The following SLC35F1 variants were observed in gnomAD, a reference collection of about 807,000 sequenced individuals.
SLC35F1 encodes solute carrier family 35 member F1.
A neutral mutation model predicts 48.7 loss-of-function variants in SLC35F1; 14 were observed. That is an observed-to-expected ratio of 0.29 (90% confidence interval 0.19 to 0.45). The LOEUF (loss-of-function observed/expected upper bound fraction) is 0.45. SLC35F1 is among the 20% of genes least tolerant of loss of function. The pLI is 1.00. For missense variants in SLC35F1, 404 were observed against 500.0 expected (o/e 0.81, Z 1.83); for synonymous variants, 190 against 202.2 (o/e 0.94, Z 0.51).
intron 1 of SLC35F1, among the ~76,000 whole-genome samples, chr6:118,003,747 A>ATT (rs200097708): frequency 1.7e-4 from 26 of 151,900 alleles, no homozygotes; most frequent in African/African-American, 5.8e-4. Context: ...ATGATTTTAC[A>ATT]TTTTTTTTTA....
chr6:118,070,674 T>C (rs1562280601), intron 1 of SLC35F1, among the ~76,000 whole-genome samples: 1 of 151,690 alleles, frequency 6.6e-6, no homozygotes, highest in East Asian at 1.9e-4. Flanking sequence ...CTAAATAATA[T>C]GTCTTTCTTG....
chr6:118,038,317 T>C (rs1772163805), intron 1 of SLC35F1, among the ~76,000 whole-genome samples: 1 of 152,104 alleles, frequency 6.6e-6, no homozygotes, highest in Non-Finnish European at 1.5e-5. Flanking sequence ...TTTTTTCTCA[T>C]ATTATTTCTC....
At chr6:118,031,266 T>A (rs1361558329) in intron 1 of SLC35F1, among the ~76,000 whole-genome samples, 1 of 152,182 alleles carries the variant, frequency 6.6e-6, no homozygotes, top group East Asian at 1.9e-4. Flanking sequence ...TTTAAGTAAA[T>A]GTATGTCTTA....
chr6:118,053,782 A>G (rs12173811), intron 1 of SLC35F1, among the ~76,000 whole-genome samples: 44,785 of 152,064 alleles, frequency 0.29, 7,312 homozygotes, highest in East Asian at 0.48. Context: ...TATGTAATAA[A>G]CATCTTAATG....
At chr6:118,106,358 C>G (rs1181762768) in intron 1 of SLC35F1, among the ~76,000 whole-genome samples, 2 of 152,186 alleles carry the variant, frequency 1.3e-5, no homozygotes, top group Admixed American at 6.6e-5. Context: ...CCATGTCCAT[C>G]CAACAGTGCT....
intron 7 of SLC35F1, among the ~76,000 whole-genome samples, chr6:118,306,046 A>G (rs776729314): frequency 1.3e-5 from 2 of 152,216 alleles, no homozygotes; most frequent in Non-Finnish European, 2.9e-5. Flanking sequence ...TATGCCAGAC[A>G]GGCTCTTCCT....
chr6:118,102,857 C>T (rs1003914606), intron 1 of SLC35F1, among the ~76,000 whole-genome samples: 1 of 152,184 alleles, frequency 6.6e-6, no homozygotes, highest in Non-Finnish European at 1.5e-5. Context: ...TTTCAGACAG[C>T]CTGCTATGAT....
At chr6:118,275,640 A>G (rs777860058) in intron 5 of SLC35F1, 25 bp downstream of exon 5, 16 of 1,608,462 alleles carry the variant, frequency 9.9e-6, no homozygotes, top group Middle Eastern at 3.3e-4. Flanking sequence ...CAAGAAATAT[A>G]GATAGTAGAG....
chr6:118,286,097 C>T (rs1047857962), intron 7 of SLC35F1, among the ~76,000 whole-genome samples: 1 of 152,158 alleles, frequency 6.6e-6, no homozygotes, highest in East Asian at 1.9e-4. Context: ...CTTGCCATTC[C>T]TTAACAAGTC....
At chr6:118,215,964 C>T (rs550267223) in intron 2 of SLC35F1, among the ~76,000 whole-genome samples, 1 of 152,064 alleles carries the variant, frequency 6.6e-6, no homozygotes, top group African/African-American at 2.4e-5. Context: ...TTAAAGTGTA[C>T]TTTGTATCAT....
Position 118,012,327 on chromosome 6 carries a change from A to G in SLC35F1, c.173+104428A>G, listed in dbSNP as rs560434972. Among the ~76,000 whole-genome samples the G allele has an allele frequency of 5.6e-3, 346 of 61,714 alleles. 1 individual carries two copies. Among genetic ancestry groups the G allele is most frequent in the African/African-American group, 0.025 (323 of 12,922 alleles). The allele number at this position is 61,714 out of a possible 152,430, so 40.5% of individuals were successfully genotyped here. A position where few individuals can be genotyped will look rare whatever the true frequency, so the allele number is the denominator to read the frequency against. ...CAGCATGCAGGGACAATAAATGGGG[A>G]AAAAAAAAAAAAAGAAAAACTAAAT... On this transcript the variant is annotated intron_variant, in intron 1 of 7. Coordinates refer to ENST00000360388, the MANE Select transcript of SLC35F1 (RefSeq NM_001029858.4).
chr6:118,044,722 T>C (rs749711015), intron 1 of SLC35F1, among the ~76,000 whole-genome samples: 3 of 151,990 alleles, frequency 2.0e-5, no homozygotes, highest in Non-Finnish European at 2.9e-5. Flanking sequence ...ACATAGTCTA[T>C]AGCTGCACCT....
intron 1 of SLC35F1, among the ~76,000 whole-genome samples, chr6:118,035,111 G>T (rs926186779): frequency 6.6e-6 from 1 of 152,078 alleles, no homozygotes; most frequent in Non-Finnish European, 1.5e-5. Flanking sequence ...ATTTTGCTGA[G>T]TTTTATTTTT....
chr6:117,972,904 A>G (rs929406760), intron 1 of SLC35F1, among the ~76,000 whole-genome samples: 1 of 152,202 alleles, frequency 6.6e-6, no homozygotes, highest in African/African-American at 2.4e-5. Context: ...AGATGCTACA[A>G]TTTAATAAGT....
intron 2 of SLC35F1, among the ~76,000 whole-genome samples, chr6:118,234,748 T>C (rs1056053155): frequency 3.9e-5 from 6 of 152,196 alleles, no homozygotes; most frequent in Admixed American, 1.3e-4. Flanking sequence ...ACCCCACAGG[T>C]TGGCTACAGA....
intron 1 of SLC35F1, among the ~76,000 whole-genome samples, chr6:118,069,517 G>T (rs1009557236): frequency 2.0e-5 from 3 of 152,036 alleles, no homozygotes; most frequent in Admixed American, 6.6e-5. Flanking sequence ...TTCTACTAAA[G>T]TTCCCTAGGC....
At chr6:118,268,379 A>G (rs1322111965) in intron 4 of SLC35F1, among the ~76,000 whole-genome samples, 1 of 152,092 alleles carries the variant, frequency 6.6e-6, no homozygotes, top group Non-Finnish European at 1.5e-5. Flanking sequence ...CCACTTCAAT[A>G]GAAATCTGAA....
intron 1 of SLC35F1, among the ~76,000 whole-genome samples, chr6:118,038,654 A>C (rs1772168150): frequency 6.6e-6 from 1 of 151,864 alleles, no homozygotes. Flanking sequence ...TAAGATCTTG[A>C]ACTGTTGCCC....
At chr6:118,219,567 C>A (rs970061909) in intron 2 of SLC35F1, among the ~76,000 whole-genome samples, 1 of 152,114 alleles carries the variant, frequency 6.6e-6, no homozygotes, top group Non-Finnish European at 1.5e-5. Flanking sequence ...GTTGGTGGGA[C>A]TGTAGACCCA....
Sources: allele counts gnomAD v4.1 joint callset (sites outside exome capture counted in the v4.1 genomes callset), GRCh38; gene constraint gnomAD v4.1.1; transcripts MANE v1.5; gene names NCBI Gene and HGNC (gene_info 2026-07-23, HGNC 2026-07-21).